SORT1: variants seen among roughly 807,000 people sequenced by gnomAD.
The protein encoded by SORT1 is sortilin 1.
SORT1 carries 39 observed loss-of-function variants against 101.7 expected under a neutral mutation model. The ratio of observed to expected loss-of-function variants is 0.38; its 90% CI spans 0.30 to 0.50. The LOEUF (loss-of-function observed/expected upper bound fraction) is 0.50. SORT1 is among the 20% of genes least tolerant of loss of function. The probability of loss-of-function intolerance (pLI) is 0.90; values close to 1 mark genes in which losing one functional copy is unlikely to be tolerated. For missense variants in SORT1, 878 were observed against 1,040.4 expected (o/e 0.84, Z 2.15); for synonymous variants, 396 against 393.7 (o/e 1.01, Z -0.07).
chr1:109,322,880 C>G (rs1469261869), intron 15 of SORT1, 52 bp downstream of exon 15: 1 of 1,462,772 alleles, frequency 6.8e-7, no homozygotes. Context: ...AACTGTCTTT[C>G]ACCTCCTCCA....
intron 11 of SORT1, among the ~76,000 whole-genome samples, chr1:109,334,100 C>T (rs552356212): frequency 1.6e-4 from 25 of 152,046 alleles, no homozygotes; most frequent in African/African-American, 6.0e-4. Flanking sequence ...GAGCCAAGAT[C>T]GTGCTATTGT....
intron 1 of SORT1, among the ~76,000 whole-genome samples, chr1:109,388,966 C>T (rs2101657559): frequency 6.6e-6 from 1 of 152,370 alleles, no homozygotes; most frequent in East Asian, 1.9e-4. Flanking sequence ...ACATACACGT[C>T]TTACATTTCT....
intron 7 of SORT1, 110 bp from the exon 8 acceptor site, chr1:109,345,991 T>C: frequency 1.1e-6 from 1 of 897,934 alleles, no homozygotes; most frequent in Non-Finnish European, 1.7e-6. Flanking sequence ...TTAAATACTA[T>C]GCATGTTAAT....
At chr1:109,394,846 C>A (rs1653103696) in intron 1 of SORT1, among the ~76,000 whole-genome samples, 1 of 152,174 alleles carries the variant, frequency 6.6e-6, no homozygotes, top group Non-Finnish European at 1.5e-5. Context: ...GACTCGAATC[C>A]TGTCATGTTA....
intron 8 of SORT1, 27 bp from the exon 9 acceptor site, chr1:109,342,185 T>G (rs1294858935): frequency 1.3e-6 from 2 of 1,581,120 alleles, no homozygotes; most frequent in Non-Finnish European, 8.6e-7. Context: ...TATTTATCTT[T>G]CTAATTTTCT....
rs374355693 is a variant in SORT1, at chr1:109,316,859, C to T, written c.2241G>A (p.Pro747=). 340 of 1,601,218 alleles carry T rather than the reference C, an allele frequency of 2.1e-4. 1 individual carries two copies. The East Asian group carries it at 3.1e-3, about 15-fold the overall frequency. The change falls in exon 17 of 20, where the codon CCG becomes CCA. Residue 747 remains proline, a synonymous_variant. Transcript: ENST00000256637. ...ACCTATTTTAACATACCTGTTTTTC[C>T]GGACTCAAAAAGTTGCTTGTGCATT... ...KKKCTSNFLS[P]EKQNSKSNSV...
intron 4 of SORT1, among the ~76,000 whole-genome samples, chr1:109,354,906 G>A (rs1007793906): frequency 2.6e-5 from 4 of 152,138 alleles, no homozygotes; most frequent in African/African-American, 9.7e-5. Flanking sequence ...TGTGCTCAGA[G>A]TTCCATTCTT....
chr1:109,344,033 C>T (rs543717874), intron 8 of SORT1, among the ~76,000 whole-genome samples: 3 of 152,282 alleles, frequency 2.0e-5, no homozygotes, highest in South Asian at 2.1e-4. Flanking sequence ...ACCATTCAGG[C>T]GCTCAGGATA....
At chr1:109,315,335 A>G (rs1658965278) in intron 17 of SORT1, among the ~76,000 whole-genome samples, 1 of 152,148 alleles carries the variant, frequency 6.6e-6, no homozygotes, top group Admixed American at 6.5e-5. Context: ...GTGTGTTTTC[A>G]ATGTATCCCA....
intron 17 of SORT1, among the ~76,000 whole-genome samples, chr1:109,315,748 CTT>C (rs553898685): frequency 1.2e-3 from 149 of 124,690 alleles, no homozygotes; most frequent in Middle Eastern, 4.6e-3. Flanking sequence ...GCCTCATAAC[CTT>C]TTTTTTTTTT....
chr1:109,337,997 G>A lies in SORT1; in HGVS notation c.1265-1651C>T, dbSNP rs186947234. ...ACAAATATTGTGAAAAATACATTCC[G>A]GTAGGGCGAGACAAGCACTAGACAT... On this transcript the variant is annotated intron_variant, in intron 10 of 19. Transcript: ENST00000256637. Among the ~76,000 whole-genome samples, 116 of 152,258 alleles carry A rather than the reference G, an allele frequency of 7.6e-4. 1 individual carries two copies. Among genetic ancestry groups the A allele is most frequent in the African/African-American group, 2.7e-3 (113 of 41,554 alleles).
chr1:109,379,557 A>C (rs1365229621), intron 1 of SORT1, among the ~76,000 whole-genome samples: 1 of 152,226 alleles, frequency 6.6e-6, no homozygotes, highest in Non-Finnish European at 1.5e-5. Flanking sequence ...TAACAGTCCA[A>C]AAGCCAGTAC....
chr1:109,320,224 C>A (rs1570888578), intron 15 of SORT1, among the ~76,000 whole-genome samples: 1 of 152,208 alleles, frequency 6.6e-6, no homozygotes, highest in African/African-American at 2.4e-5. Flanking sequence ...GGTTTTACCT[C>A]TCTTGAGTTC....
At chr1:109,326,510 C>CATATATACACATATATACACACATAT (rs34942536) in intron 13 of SORT1, among the ~76,000 whole-genome samples, 2 of 132,688 alleles carry the variant, frequency 1.5e-5, no homozygotes, top group East Asian at 4.4e-4. Context: ...TATATACACA[C>CATATATACACATATATACACACATAT]ATACACATAT....
rs1347309974 is a variant in SORT1, at chr1:109,311,623, A to AC, written c.*2419dup. ...TCCACTCCTGCACTCTTGAGCAGTGACCCTCAATGAGGGGAGGGGCAGTTT... is the reference window on the plus strand; with the variant it reads ...TCCACTCCTGCACTCTTGAGCAGTGACCCCTCAATGAGGGGAGGGGCAGTTT... On this transcript the variant is annotated 3_prime_UTR_variant, in exon 20 of 20. Transcript: ENST00000256637. The AC allele has an allele frequency of 4.6e-5, 7 of 152,192 alleles. No homozygotes were observed. Among genetic ancestry groups the AC allele is most frequent in the Non-Finnish European group, 1.0e-4 (7 of 68,026 alleles). 9.4% of individuals were successfully genotyped at this position (152,192 alleles called of 1,614,324 possible).
intron 10 of SORT1, among the ~76,000 whole-genome samples, chr1:109,339,566 A>G (rs1331223624): frequency 6.6e-6 from 1 of 152,228 alleles, no homozygotes; most frequent in Non-Finnish European, 1.5e-5. Context: ...TCCCATTAGG[A>G]GTGCTGTTAC....
chr1:109,325,617 C>T (rs1352335184), intron 13 of SORT1, among the ~76,000 whole-genome samples: 2 of 152,038 alleles, frequency 1.3e-5, no homozygotes, highest in African/African-American at 2.4e-5. Context: ...AAGTAAATAC[C>T]TTTACAGAAA....
At position 109,316,905 on chromosome 1, in the gene SORT1, T is replaced by G; in HGVS notation, c.2195A>C (p.Glu732Ala). ...KCQGGVNPVR[E>A]VKDLKKKCTS... ...GCATTTCTTTTTCAAGTCTTTTACTTCTCGAACTGGATTTACCCCACCCTG... is the reference window on the plus strand; with the variant it reads ...GCATTTCTTTTTCAAGTCTTTTACTGCTCGAACTGGATTTACCCCACCCTG... Residue 732 changes from glutamate to alanine, a missense_variant, in exon 17 of 20, where the codon GAA (glutamate) becomes GCA (alanine). Transcript: ENST00000256637. The G allele has an allele frequency of 1.2e-6, 2 of 1,612,206 alleles. No homozygotes were observed. Among genetic ancestry groups the G allele is most frequent in the South Asian group, 2.2e-5 (2 of 90,596 alleles).
Position 109,322,989 on chromosome 1 carries a change from T to C in SORT1, c.1967A>G (p.Asp656Gly), listed in dbSNP as rs373818414. Residue 656 changes from aspartate (D) to glycine (G), a missense_variant, in exon 15 of 20, where the codon GAC (aspartate) becomes GGC (glycine). This residue lies in a region of SORT1 where 684 missense variants were observed against 894.5 expected (regional missense o/e 0.76). Coordinates refer to ENST00000256637, the MANE Select transcript of SORT1 (RefSeq NM_002959.7). Reference protein sequence around the residue: ...RKSSVCQNGRDYVVTKQPSIC... With the variant: ...RKSSVCQNGRGYVVTKQPSIC... ...GGAGGGCTGCTTGGTCACAACATAG[T>C]CTCGACCATTCTGACACACGGATGA... is the stretch of plus-strand genomic sequence containing the variant. 3.1e-5 allele frequency: 50 copies of C among 1,614,074 alleles called. No homozygotes were observed. Among genetic ancestry groups the C allele is most frequent in the Non-Finnish European group, 4.2e-5 (50 of 1,180,036 alleles).
Sources: gnomAD v4.1 joint callset for allele counts (sites outside exome capture counted in the v4.1 genomes callset) on GRCh38, gnomAD v4.1.1 for gene constraint, gnomAD v4.1.1 regional missense constraint, MANE v1.5 for transcripts, NCBI Gene and HGNC (gene_info 2026-07-23, HGNC 2026-07-21) for gene names.